AGXT2: variants seen among roughly 807,000 people sequenced by gnomAD.
AGXT2 encodes alanine--glyoxylate aminotransferase 2, mitochondrial.
In AGXT2, 61 loss-of-function variants were observed where a neutral mutation model predicts 62.5. The observed-to-expected ratio is 0.98, with a 90% CI of 0.79 to 1.21. The LOEUF is 1.21. AGXT2 is among the 50% of genes most tolerant of loss of function. AGXT2 has a pLI of 0.00. For synonymous variants in AGXT2, 243 were observed against 218.7 expected (o/e 1.11, Z -0.98); for missense variants, 666 against 641.5 (o/e 1.04, Z -0.41).
intron 9 of AGXT2, 140 bp from the exon 10 acceptor site, chr5:35,014,259 C>T (rs1766761106): frequency 8.7e-7 from 1 of 1,150,364 alleles, no homozygotes; most frequent in Non-Finnish European, 1.3e-6. Context: ...CAAGACCAGC[C>T]TGGCCAAGAT....
chr5:34,999,457 T>C (rs1766148074), intron 13 of AGXT2, among the ~76,000 whole-genome samples: 1 of 152,156 alleles, frequency 6.6e-6, no homozygotes, highest in South Asian at 2.1e-4. Flanking sequence ...ACCCTTTTTC[T>C]GCTGCACCCA....
At chr5:35,014,406 T>C (rs1370077792) in intron 9 of AGXT2, among the ~76,000 whole-genome samples, 1 of 141,340 alleles carries the variant, frequency 7.1e-6, no homozygotes, top group Non-Finnish European at 1.5e-5. Context: ...TGAGCCGAGA[T>C]TGCACCACTG....
At chr5:35,026,547 GC>G (rs1767358892) in intron 7 of AGXT2, 37 bp from the exon 8 acceptor site, 1 of 1,536,160 alleles carries the variant, frequency 6.5e-7, no homozygotes, top group South Asian at 1.1e-5. Flanking sequence ...ACAAACCACA[GC>G]ATTTGAAAAT....
intron 5 of AGXT2, among the ~76,000 whole-genome samples, chr5:35,033,874 T>C (rs1287115297): frequency 6.6e-6 from 1 of 152,162 alleles, no homozygotes; most frequent in Non-Finnish European, 1.5e-5. Context: ...AAATTGTATG[T>C]TCAATGAATA....
In AGXT2 at chr5:35,039,582, C is replaced by T. The variant is rs1767906316; in HGVS notation, c.178-74G>A. ...GCAGTCAATCTATGAGTAACAGAGC[C>T]CAGGCTCTCTAGTGGACAGAGAAGA... On this transcript the variant is annotated intron_variant, in intron 2 of 13. Transcript: ENST00000231420. The T allele has an allele frequency of 3.3e-6, 5 of 1,514,406 alleles. No individual in the cohort carries two copies. The African/African-American group carries it at 4.1e-5, about 12-fold the overall frequency. 93.8% of individuals were successfully genotyped at this position (1,514,406 alleles called of 1,614,324 possible). A position where few individuals can be genotyped will look rare whatever the true frequency, so the allele number is the denominator to read the frequency against.
intron 9 of AGXT2, among the ~76,000 whole-genome samples, chr5:35,017,919 G>A (rs1041270255): frequency 1.3e-4 from 20 of 152,228 alleles, no homozygotes; most frequent in Admixed American, 1.3e-3. Context: ...AGAACTACGT[G>A]AAGAATGCAG....
intron 1 of AGXT2, among the ~76,000 whole-genome samples, chr5:35,045,751 CTTTTTCTTTTTTCTTTTTTTT>C (rs1561238520): frequency 2.3e-5 from 3 of 133,222 alleles, no homozygotes; most frequent in Non-Finnish European, 3.1e-5. Context: ...TGGTTTTTTT[CTTTTTCTTTTTTCTTTTTTTT>C]TTTTTTTTTT....
chr5:35,020,450 T>A (rs895922120), intron 9 of AGXT2, among the ~76,000 whole-genome samples: 2 of 152,198 alleles, frequency 1.3e-5, no homozygotes, highest in African/African-American at 4.8e-5. Context: ...ATCCAGCATA[T>A]AAGCAGAACC....
intron 9 of AGXT2, among the ~76,000 whole-genome samples, chr5:35,024,137 C>T (rs1767232059): frequency 6.6e-6 from 1 of 152,110 alleles, no homozygotes; most frequent in Non-Finnish European, 1.5e-5. Context: ...AAGTGACCGG[C>T]CTGCCTCAGC....
intron 1 of AGXT2, among the ~76,000 whole-genome samples, chr5:35,044,135 A>G (rs1406165996): frequency 2.0e-5 from 3 of 152,248 alleles, no homozygotes; most frequent in South Asian, 4.1e-4. Flanking sequence ...CTTAGAGGAC[A>G]TCAGTGACAG....
chr5:35,039,569 T>C (rs1767905867), intron 2 of AGXT2, 61 bp from the exon 3 acceptor site: 1 of 1,562,734 alleles, frequency 6.4e-7, no homozygotes, highest in Non-Finnish European at 8.8e-7. Flanking sequence ...AGTCAATCTA[T>C]GAGTAACAGA....
chr5:35,028,963 C>T (rs1229907150), intron 7 of AGXT2, among the ~76,000 whole-genome samples: 2 of 152,160 alleles, frequency 1.3e-5, no homozygotes, highest in Non-Finnish European at 2.9e-5. Flanking sequence ...TATACCTCAG[C>T]TCTTCATTAA....
chr5:35,021,370 CAG>C, intron 9 of AGXT2, among the ~76,000 whole-genome samples: 1 of 151,618 alleles, frequency 6.6e-6, no homozygotes, highest in Admixed American at 6.6e-5. Context: ...GGTACCAAAA[CAG>C]AGATATAGAT....
chr5:35,037,191 C>A, intron 3 of AGXT2, 126 bp from the exon 4 acceptor site: 1 of 1,411,940 alleles, frequency 7.1e-7, no homozygotes, highest in Non-Finnish European at 9.7e-7. Flanking sequence ...TTTATTTACA[C>A]ATGAGAATAA....
intron 9 of AGXT2, among the ~76,000 whole-genome samples, chr5:35,016,119 G>A (rs569006486): frequency 2.8e-4 from 42 of 152,280 alleles, no homozygotes; most frequent in Admixed American, 1.8e-3. Flanking sequence ...CGAGGAGCTC[G>A]TGGAAAATCC....
chr5:35,026,646 G>A (rs909928381), intron 7 of AGXT2, 136 bp from the exon 8 acceptor site: 16 of 966,020 alleles, frequency 1.7e-5, no homozygotes, highest in Admixed American at 2.3e-5. Flanking sequence ...TTCAGAATAC[G>A]GTAAACTGGG....
chr5:35,039,432 G>C lies in AGXT2; in HGVS notation c.254C>G (p.Pro85Arg). The C allele has an allele frequency of 1.2e-6, 2 of 1,614,080 alleles. No homozygotes were observed. The highest frequency in any genetic ancestry group is 1.7e-6 in the Non-Finnish European group (2 of 1,179,990). ...SPVVTAYFQK[P>R]LLLHQGHMEW... ...CATGTGCCCCTGGTGGAGCAGCAGG[G>C]GTTTCTGGAAATATGCCGTCACCAC... is the stretch of plus-strand genomic sequence containing the variant. The change falls in exon 3 of 14, where the codon CCC becomes CGC. Residue 85 changes from proline (P) to arginine (R), a missense_variant. Pro to Arg is a moderately radical substitution (Grantham distance 103, BLOSUM62 -2). Transcript: ENST00000231420.
At chr5:35,019,351 G>C (rs867605790) in intron 9 of AGXT2, among the ~76,000 whole-genome samples, 1 of 148,940 alleles carries the variant, frequency 6.7e-6, no homozygotes, top group African/African-American at 2.5e-5. Context: ...AAATGTAAAA[G>C]AACAGAAATT....
Position 34,998,728 on chromosome 5 carries a change from T to A in AGXT2, c.1536A>T (p.Arg512Ser). The change falls in exon 14 of 14, where the codon AGA becomes AGT. Residue 512 changes from arginine (R) to serine (S), a missense_variant. Transcript: ENST00000231420. Reference protein sequence around the residue: ...RSALTQHMERRAK With the variant: ...RSALTQHMERSAK The stretch of plus-strand genomic sequence containing the variant: ...TTTATTTCTGACAATGTTACTTAGC[T>A]CTTCTTTCCATGTGTTGGGTTAAGG... 2 of 1,611,654 alleles carry A rather than the reference T, an allele frequency of 1.2e-6. No individual in the cohort carries two copies. The highest frequency in any genetic ancestry group is 1.7e-6 in the Non-Finnish European group (2 of 1,177,916).
Sources: gnomAD v4.1 joint callset for allele counts (sites outside exome capture counted in the v4.1 genomes callset) on GRCh38, gnomAD v4.1.1 for gene constraint, MANE v1.5 for transcripts, NCBI Gene and HGNC (gene_info 2026-07-23, HGNC 2026-07-21) for gene names.